The following SWT1 variants were observed in gnomAD, a reference collection of about 807,000 sequenced individuals.
The protein encoded by SWT1 is transcriptional protein SWT1.
In SWT1, 33 loss-of-function variants were observed where a neutral mutation model predicts 107.3. The observed-to-expected ratio is 0.31, with a 90% CI of 0.23 to 0.41. The LOEUF (loss-of-function observed/expected upper bound fraction) is 0.41, where lower values mean the gene tolerates loss of function less well. Ranked by LOEUF, SWT1 falls within the 10% of genes least tolerant of loss-of-function variation. The pLI is 1.00. For missense variants in SWT1, 898 were observed against 1,028.9 expected (o/e 0.87, Z 1.74); for synonymous variants, 345 against 348.3 (o/e 0.99, Z 0.11).
intron 17 of SWT1, among the ~76,000 whole-genome samples, chr1:185,272,866 T>G (rs1297368830): frequency 2.0e-5 from 3 of 151,674 alleles, no homozygotes; most frequent in Non-Finnish European, 4.4e-5. Flanking sequence ...TGAGACCCCA[T>G]CTCTCTAAAA....
At chr1:185,243,591 A>G (rs777469426) in intron 16 of SWT1, among the ~76,000 whole-genome samples, 2 of 152,198 alleles carry the variant, frequency 1.3e-5, no homozygotes, top group Admixed American at 6.5e-5. Flanking sequence ...GATGGTACTC[A>G]GTAAATACTT....
At chr1:185,204,614 T>C (rs1216888517) in intron 11 of SWT1, 86 bp from the exon 12 acceptor site, 2 of 575,410 alleles carry the variant, frequency 3.5e-6, no homozygotes, top group Non-Finnish European at 5.7e-6. Context: ...ACATAAAATG[T>C]TTACTGTTTA....
At chr1:185,183,959 T>C (rs1298635283) in intron 7 of SWT1, among the ~76,000 whole-genome samples, 1 of 152,190 alleles carries the variant, frequency 6.6e-6, no homozygotes, top group Admixed American at 6.5e-5. Context: ...CTGCCCACTT[T>C]GACTTAGACG....
intron 12 of SWT1, among the ~76,000 whole-genome samples, chr1:185,206,334 G>A (rs897443772): frequency 3.3e-5 from 5 of 152,146 alleles, no homozygotes; most frequent in Admixed American, 1.3e-4. Flanking sequence ...TTGACAAGTA[G>A]ATTGAAGGAC....
At chr1:185,282,783 T>C (rs1164338361) in intron 18 of SWT1, among the ~76,000 whole-genome samples, 5 of 152,026 alleles carry the variant, frequency 3.3e-5, no homozygotes, top group East Asian at 1.9e-4. Flanking sequence ...CGGTGTTCAC[T>C]GGAGAATTGC....
rs1368543386 is a variant in SWT1 at position 185,214,388 on chromosome 1, C to T, written c.1973-119C>T. 7 of 626,016 alleles carry T rather than the reference C, an allele frequency of 1.1e-5. No homozygotes were observed. The East Asian group carries it at 2.2e-4, about 19-fold the overall frequency. 38.8% of individuals were successfully genotyped at this position (626,016 alleles called of 1,614,324 possible). On this transcript the variant is annotated intron_variant, in intron 13 of 18. Coordinates refer to ENST00000367500, the MANE Select transcript of SWT1 (RefSeq NM_017673.7). ...TACCAGAGGGATAACTTAGGAGTGG[C>T]ATATAGGTATAAATGTATACTCTTT...
At chr1:185,206,853 G>T in intron 13 of SWT1, 90 bp downstream of exon 13, 1 of 956,916 alleles carries the variant, frequency 1.0e-6, no homozygotes, top group Non-Finnish European at 1.5e-6. Context: ...AATTAATGAA[G>T]AATTTGTTAA....
At chr1:185,280,867 G>C (rs748403678) in intron 18 of SWT1, 10 of 450,658 alleles carry the variant, frequency 2.2e-5, no homozygotes, top group Non-Finnish European at 3.6e-5. Flanking sequence ...CGGTGCAGAA[G>C]GTGGTGGTCT....
intron 15 of SWT1, among the ~76,000 whole-genome samples, chr1:185,228,869 T>A (rs564843868): frequency 5.1e-4 from 78 of 152,168 alleles, no homozygotes; most frequent in Admixed American, 9.2e-4. Flanking sequence ...GATAGAAGAA[T>A]AGAAATTACA....
chr1:185,260,002 T>C (rs952407238), intron 16 of SWT1, among the ~76,000 whole-genome samples: 1 of 152,218 alleles, frequency 6.6e-6, no homozygotes, highest in Admixed American at 6.5e-5. Context: ...ATCTGTTATA[T>C]AGCAAGAGTC....
At position 185,256,275 on chromosome 1, in the gene SWT1, C is replaced by T. The variant is rs1201510670; in HGVS notation, c.2442-15048C>T. ...TTATGTGTCTTGGAGTTGCTCTTCT[C>T]GAGGAGTATCTTTGTGGCATTCTCT... On this transcript the variant is annotated intron_variant, in intron 16 of 18. Coordinates refer to ENST00000367500, the MANE Select transcript of SWT1 (RefSeq NM_017673.7). 1.3e-4 allele frequency among the ~76,000 whole-genome samples: 19 copies of T among 151,234 alleles called. 1 individual carries two copies. Among genetic ancestry groups the T allele is most frequent in the South Asian group, 4.2e-4 (2 of 4,776 alleles).
At chr1:185,221,280 C>T (rs1314451256) in intron 14 of SWT1, among the ~76,000 whole-genome samples, 2 of 152,178 alleles carry the variant, frequency 1.3e-5, no homozygotes, top group East Asian at 3.9e-4. Context: ...TCTCAGGACT[C>T]TCCTCTTGGA....
chr1:185,224,992 A>G (rs796125853), intron 15 of SWT1, among the ~76,000 whole-genome samples: 3 of 152,172 alleles, frequency 2.0e-5, no homozygotes, highest in African/African-American at 2.4e-5. Context: ...CCAGTACAAT[A>G]TTGAATACAA....
intron 14 of SWT1, among the ~76,000 whole-genome samples, chr1:185,218,373 A>G (rs917889766): frequency 2.6e-5 from 4 of 152,142 alleles, no homozygotes; most frequent in African/African-American, 9.7e-5. Context: ...AGTTGTGATC[A>G]TAGCTCATAG....
At chr1:185,187,252 G>A (rs961289627) in intron 9 of SWT1, among the ~76,000 whole-genome samples, 10 of 151,356 alleles carry the variant, frequency 6.6e-5, no homozygotes, top group African/African-American at 2.2e-4. Context: ...TAGAGATGGG[G>A]TTTTGTCATG....
At chr1:185,257,095 GGGTCA>G (rs1662606391) in intron 16 of SWT1, among the ~76,000 whole-genome samples, 1 of 152,076 alleles carries the variant, frequency 6.6e-6, no homozygotes, top group Non-Finnish European at 1.5e-5. Flanking sequence ...GGCTGCTCGG[GGGTCA>G]GGTGTCAGGG....
chr1:185,184,207 A>G (rs1334516940), intron 7 of SWT1, 36 bp from the exon 8 acceptor site: 1 of 1,090,852 alleles, frequency 9.2e-7, no homozygotes, highest in African/African-American at 1.6e-5. Context: ...TAAGTCTGTT[A>G]TCAAGTGTCA....
In SWT1 at chr1:185,290,929, G is replaced by A; in HGVS notation, c.*126G>A. 1.4e-6 allele frequency: 1 copy of A among 714,174 alleles called. No individual in the cohort carries two copies. The highest frequency in any genetic ancestry group is 2.1e-6 in the Non-Finnish European group (1 of 467,680). The allele number at this position is 714,174 out of a possible 1,614,324, so 44.2% of individuals were successfully genotyped here. On this transcript the variant is annotated 3_prime_UTR_variant, in exon 19 of 19. Coordinates refer to ENST00000367500, the MANE Select transcript of SWT1 (RefSeq NM_017673.7). ...AGAAATGTTTCATAGGTATAAAAAG[G>A]TGATCGCCTATTACTGACAGTCTCA...
At chr1:185,285,264 T>G (rs1407368255) in intron 18 of SWT1, among the ~76,000 whole-genome samples, 1 of 152,124 alleles carries the variant, frequency 6.6e-6, no homozygotes, top group Non-Finnish European at 1.5e-5. Flanking sequence ...CAGTGCATAT[T>G]TATCTCACCC....
Sources: allele counts gnomAD v4.1 joint callset (sites outside exome capture counted in the v4.1 genomes callset), GRCh38; gene constraint gnomAD v4.1.1; transcripts MANE v1.5; gene names NCBI Gene and HGNC (gene_info 2026-07-23, HGNC 2026-07-21).